KAZN: variants seen among roughly 807,000 people sequenced by gnomAD.
KAZN encodes kazrin.
Under a neutral mutation model 87.4 loss-of-function variants are expected in KAZN, and 40 were observed. The observed-to-expected ratio is 0.46, with a 90% confidence interval of 0.36 to 0.60. The LOEUF (loss-of-function observed/expected upper bound fraction) is 0.60, where lower values mean the gene tolerates loss of function less well. Among genes scored for constraint, KAZN ranks in the 20% least tolerant of loss-of-function variants. KAZN has a pLI of 0.00. For missense variants in KAZN, 898 were observed against 1,073.9 expected (o/e 0.84, Z 2.29); for synonymous variants, 466 against 458.3 (o/e 1.02, Z -0.22).
Position 14,030,044 on chromosome 1 carries a change from G to A in KAZN, c.91+136288G>A, listed in dbSNP as rs141488286. The stretch of plus-strand genomic sequence containing the variant: ...TTGGTAGCTTTATGGGGATGGCATT[G>A]AATCTGTAAATTACCTTGGGCAGTA... On this transcript the variant is annotated intron_variant, in intron 1 of 16. Transcript: ENST00000636203. 9.8e-3 allele frequency among the ~76,000 whole-genome samples: 1,495 copies of A among 152,046 alleles called. 28 individuals are homozygous for A. The highest frequency in any genetic ancestry group is 0.035 in the African/African-American group (1,430 of 41,412).
At chr1:14,053,019 C>T (rs182761269) in intron 1 of KAZN, among the ~76,000 whole-genome samples, 1 of 152,224 alleles carries the variant, frequency 6.6e-6, no homozygotes, top group East Asian at 1.9e-4. Context: ...TGGGCAGGGC[C>T]GGTGCCTCAC....
chr1:14,251,491 C>G (rs1416915112), intron 2 of KAZN, among the ~76,000 whole-genome samples: 7 of 152,036 alleles, frequency 4.6e-5, no homozygotes, highest in African/African-American at 1.7e-4. Flanking sequence ...CTTGCTCAGA[C>G]TCCTTATTAA....
In KAZN at chr1:15,056,394, G is replaced by A. The variant is rs1423048244; in HGVS notation, c.916+114G>A. The A allele has an allele frequency of 2.8e-6, 3 of 1,081,996 alleles. No individual in the cohort carries two copies. The highest frequency in any genetic ancestry group is 3.2e-5 in the African/African-American group (2 of 63,194). 67.0% of individuals were successfully genotyped at this position (1,081,996 alleles called of 1,614,324 possible). A position where few individuals can be genotyped will look rare whatever the true frequency, so the allele number is the denominator to read the frequency against. ...TCGTACTACAGCAGCTTGGGGGCGT[G>A]GGACAGAGACCTTGGGCTCATGTAA... On this transcript the variant is annotated intron_variant, in intron 5 of 14. Coordinates refer to ENST00000376030, the MANE Select transcript of KAZN (RefSeq NM_201628.3). The surrounding 1 kb of genome is among the most constrained non-coding windows in gnomAD (Gnocchi z 5.4).
chr1:14,968,189 T>G (rs997057833), intron 2 of KAZN, among the ~76,000 whole-genome samples: 1 of 151,980 alleles, frequency 6.6e-6, no homozygotes, highest in African/African-American at 2.4e-5. Context: ...CGGGAGACAG[T>G]GACAGATCAT....
chr1:14,450,800 T>C (rs1185474308), intron 2 of KAZN, among the ~76,000 whole-genome samples: 1 of 152,146 alleles, frequency 6.6e-6, no homozygotes, highest in African/African-American at 2.4e-5. Flanking sequence ...TGGCTGCTGA[T>C]ATAGTTTGGA....
intron 1 of KAZN, among the ~76,000 whole-genome samples, chr1:14,072,929 G>C (rs1212557011): frequency 2.0e-5 from 3 of 152,162 alleles, no homozygotes; most frequent in African/African-American, 7.2e-5. Flanking sequence ...AAAAATTGTA[G>C]ATTCTCGAGG....
chr1:14,349,325 A>C (rs1238044535), intron 2 of KAZN: 1 of 152,174 alleles, frequency 6.6e-6, no homozygotes, highest in Non-Finnish European at 1.5e-5. Context: ...TCAAGCCAGG[A>C]CTCAGCTTCA....
chr1:14,405,420 T>C (rs1229983118), intron 2 of KAZN, among the ~76,000 whole-genome samples: 1 of 152,148 alleles, frequency 6.6e-6, no homozygotes, highest in Admixed American at 6.6e-5. Flanking sequence ...AAGATCCACT[T>C]TGAGTCTTGG....
chr1:14,138,103 GTGTGTA>G (rs894632421), intron 1 of KAZN, among the ~76,000 whole-genome samples: 5 of 152,042 alleles, frequency 3.3e-5, no homozygotes, highest in Admixed American at 2.0e-4. Context: ...GTGTGTGTGT[GTGTGTA>G]TACATATCCT....
At chr1:15,034,515 T>A (rs1672056051) in intron 2 of KAZN, among the ~76,000 whole-genome samples, 1 of 152,158 alleles carries the variant, frequency 6.6e-6, no homozygotes, top group Admixed American at 6.5e-5. Flanking sequence ...TGCTCCCTGG[T>A]CAGATTGACA....
At chr1:14,828,534 C>A (rs573265636) in intron 1 of KAZN, among the ~76,000 whole-genome samples, 13 of 152,230 alleles carry the variant, frequency 8.5e-5, no homozygotes, top group Non-Finnish European at 1.8e-4. Flanking sequence ...GTCCCAGAAC[C>A]AAGAGGAGAG....
At chr1:13,992,339 A>G (rs966174556) in intron 1 of KAZN, among the ~76,000 whole-genome samples, 11 of 152,166 alleles carry the variant, frequency 7.2e-5, no homozygotes, top group African/African-American at 2.7e-4. Flanking sequence ...TGGCTTCCCA[A>G]GTCATCTCTT....
At chr1:14,771,398 G>A (rs1645014485) in intron 1 of KAZN, among the ~76,000 whole-genome samples, 1 of 152,166 alleles carries the variant, frequency 6.6e-6, no homozygotes, top group South Asian at 2.1e-4. Flanking sequence ...ATTTAATGTG[G>A]TGGAGGATGG....
At chr1:14,206,426 A>G (rs1646746815) in intron 2 of KAZN, among the ~76,000 whole-genome samples, 1 of 152,158 alleles carries the variant, frequency 6.6e-6, no homozygotes, top group African/African-American at 2.4e-5. Context: ...AGTAGAAGAA[A>G]GAAAATCTTT....
intron 2 of KAZN, chr1:14,349,120 A>C (rs538014130): frequency 1.3e-4 from 20 of 152,412 alleles, no homozygotes; most frequent in African/African-American, 4.8e-4. Context: ...TGTGAAGTAA[A>C]GACAAATCCA....
intron 1 of KAZN, among the ~76,000 whole-genome samples, chr1:14,921,153 AACACACACACAC>A (rs55766387): frequency 5.8e-4 from 84 of 144,508 alleles, no homozygotes; most frequent in African/African-American, 2.0e-3. Context: ...CTGAGCATGC[AACACACACACAC>A]ACACACACAC....
chr1:14,359,798 G>C (rs953873852), intron 2 of KAZN, among the ~76,000 whole-genome samples: 1 of 152,194 alleles, frequency 6.6e-6, no homozygotes, highest in Non-Finnish European at 1.5e-5. Context: ...TTTCTGCAGA[G>C]AGATCCACTG....
In KAZN at chr1:14,970,404, C is replaced by T. The variant is rs112793779; in HGVS notation, c.418+9529C>T. Among the ~76,000 whole-genome samples, 1,482 of 152,310 alleles carry T rather than the reference C, an allele frequency of 9.7e-3. 19 individuals carry two copies. Among genetic ancestry groups the T allele is most frequent in the South Asian group, 0.049 (238 of 4,830 alleles). ...GTGACTCACAGTCCAACACAGAGATCCTTTTAAATAGAATTGTTTCCAGAA... is the reference window on the plus strand; with the variant it reads ...GTGACTCACAGTCCAACACAGAGATTCTTTTAAATAGAATTGTTTCCAGAA... On this transcript the variant is annotated intron_variant, in intron 2 of 14. Transcript: ENST00000376030.
chr1:15,044,525 G>A (rs961608082), intron 4 of KAZN, among the ~76,000 whole-genome samples: 1 of 152,092 alleles, frequency 6.6e-6, no homozygotes, highest in African/African-American at 2.4e-5. Context: ...AGGGCAGGTG[G>A]ATCGTATTTG....
Sources: allele counts gnomAD v4.1 joint callset (sites outside exome capture counted in the v4.1 genomes callset), GRCh38; gene constraint gnomAD v4.1.1; non-coding constraint Gnocchi (gnomAD v3.1); transcripts MANE v1.5; gene names NCBI Gene and HGNC (gene_info 2026-07-23, HGNC 2026-07-21).